ADGRE3: variants seen among roughly 807,000 people sequenced by gnomAD.
ADGRE3 encodes the protein adhesion G protein-coupled receptor E3, also known as EGF-like module receptor 3.
ADGRE3 carries 88 observed loss-of-function variants against 80.1 expected under a neutral mutation model. The observed-to-expected ratio is 1.10, with a 90% CI of 0.93 to 1.31. The LOEUF is 1.31. ADGRE3 is among the 40% of genes most tolerant of loss of function. The probability of loss-of-function intolerance (pLI) is 0.00; values close to 1 mark genes in which losing one functional copy is unlikely to be tolerated. For synonymous variants in ADGRE3, 281 were observed against 294.8 expected, an observed-to-expected ratio of 0.95 and a Z score of 0.48; for missense variants, 715 against 776.5, an observed-to-expected ratio of 0.92 and a Z score of 0.94.
intron 11 of ADGRE3, among the ~76,000 whole-genome samples, chr19:14,633,934 A>G (rs1204954528): frequency 1.3e-5 from 2 of 151,420 alleles, no homozygotes; most frequent in African/African-American, 4.8e-5. Context: ...GCACCACCAC[A>G]CCCGGCTAAT....
the ADGRE3 span, among the ~76,000 whole-genome samples, chr19:14,607,542 T>C: frequency 6.9e-6 from 1 of 145,104 alleles, no homozygotes; most frequent in Non-Finnish European, 1.5e-5. Context: ...CTTGTTTTAT[T>C]TTATTTTATT....
At chr19:14,607,243 C>T in the ADGRE3 span, 89 of 301,240 alleles carry the variant, frequency 3.0e-4, 2 homozygotes, top group African/African-American at 1.7e-3. Context: ...CTTGCTCTGT[C>T]GCCCAGGCTG....
At chr19:14,613,024 T>C in the ADGRE3 span, among the ~76,000 whole-genome samples, 2 of 150,714 alleles carry the variant, frequency 1.3e-5, no homozygotes, top group Non-Finnish European at 3.0e-5. Flanking sequence ...TTTCCAGGTT[T>C]AACTGGTTCT....
chr19:14,604,463 C>T, the ADGRE3 span, among the ~76,000 whole-genome samples: 1 of 152,022 alleles, frequency 6.6e-6, no homozygotes, highest in South Asian at 2.1e-4. Context: ...ATTTCAATCA[C>T]CTTAAGAATG....
rs892808730 is a variant in ADGRE3 at position 14,635,469 on chromosome 19, TG to T, written c.1485-2168del. ...TTGTTGCCCAGGCTGGAGAGTGCAATGGCGTGATCTCAGCTCACTGCAACCT... is the reference window on the plus strand; with the variant it reads ...TTGTTGCCCAGGCTGGAGAGTGCAATGCGTGATCTCAGCTCACTGCAACCT... On this transcript the variant is annotated intron_variant, in intron 11 of 15. Coordinates refer to ENST00000253673, the MANE Select transcript of ADGRE3 (RefSeq NM_032571.5). Among the ~76,000 whole-genome samples, 5 of 150,066 alleles carry T rather than the reference TG, an allele frequency of 3.3e-5. No homozygotes were observed. In the Admixed American group the frequency reaches 3.4e-4, roughly 10 times the overall value.
chr19:14,658,374 C>T (rs893725967), intron 5 of ADGRE3, 139 bp downstream of exon 5: 1 of 343,114 alleles, frequency 2.9e-6, no homozygotes, highest in Non-Finnish European at 5.2e-6. Context: ...TATTCTTTGT[C>T]CTAAATAATA....
chr19:14,617,358 C>CTTTCTTTCTTTCTT (rs1348270798), downstream of ADGRE3, among the ~76,000 whole-genome samples: 5 of 80,002 alleles, frequency 6.2e-5, no homozygotes, highest in Admixed American at 2.0e-4. Flanking sequence ...TTCTTTCTTT[C>CTTTCTTTCTTTCTT]TTTCTTTCTT....
chr19:14,625,301 G>A (rs540845135), intron 15 of ADGRE3, among the ~76,000 whole-genome samples, 191 bp downstream of exon 15: 21 of 152,202 alleles, frequency 1.4e-4, no homozygotes, highest in Non-Finnish European at 2.6e-4. Flanking sequence ...TAATACCTAG[G>A]TAATGGGTTG....
At chr19:14,658,294 A>G (rs1971832365) in intron 5 of ADGRE3, among the ~76,000 whole-genome samples, 1 of 150,494 alleles carries the variant, frequency 6.6e-6, no homozygotes, top group African/African-American at 2.4e-5. Context: ...TATATAATAT[A>G]TGAATATGTA....
chr19:14,649,250 C>G (rs1971511918), intron 7 of ADGRE3, among the ~76,000 whole-genome samples: 1 of 148,390 alleles, frequency 6.7e-6, no homozygotes, highest in Admixed American at 6.7e-5. Flanking sequence ...CTCTTTCCAT[C>G]TTTCTCTCCC....
chr19:14,664,118 A>G (rs1474180322), intron 2 of ADGRE3, among the ~76,000 whole-genome samples: 2 of 152,034 alleles, frequency 1.3e-5, no homozygotes, highest in Non-Finnish European at 2.9e-5. Context: ...GGATTTTCAC[A>G]TGGTGAAACC....
intron 14 of ADGRE3, chr19:14,628,930 C>CTT (rs768289556): frequency 4.6e-5 from 7 of 153,358 alleles, no homozygotes; most frequent in Non-Finnish European, 1.0e-4. Context: ...TTCTTTTTCT[C>CTT]TTTTTTTTTT....
chr19:14,664,512 C>T (rs1025583370), intron 2 of ADGRE3, among the ~76,000 whole-genome samples: 1 of 151,972 alleles, frequency 6.6e-6, no homozygotes, highest in Admixed American at 6.6e-5. Flanking sequence ...TGGAGAGCAG[C>T]CTGGGTAACA....
chr19:14,618,229 C>CT (rs1170717647), downstream of ADGRE3, among the ~76,000 whole-genome samples: 1 of 151,892 alleles, frequency 6.6e-6, no homozygotes, highest in Non-Finnish European at 1.5e-5. Context: ...CCTCATATAA[C>CT]TTTTTTTTCT....
the ADGRE3 span, among the ~76,000 whole-genome samples, chr19:14,601,195 G>A: frequency 1.3e-5 from 2 of 152,040 alleles, no homozygotes; most frequent in African/African-American, 2.4e-5. Flanking sequence ...GAGCCACCAC[G>A]CTGGGCTAGG....
chr19:14,663,876 T>C (rs1972021900), intron 2 of ADGRE3, among the ~76,000 whole-genome samples: 1 of 152,082 alleles, frequency 6.6e-6, no homozygotes, highest in Non-Finnish European at 1.5e-5. Context: ...GGTATACACG[T>C]GCCACGTTGG....
rs751484384 is a variant in ADGRE3, at chr19:14,668,699, T to C, written c.76+103A>G. ...CACAGGAGCAAGCCTTCCCAAATAT[T>C]GCTCTCAGAACAGGCACTTTTCTCC... On this transcript the variant is annotated intron_variant, in intron 2 of 15. Transcript: ENST00000253673. 5 of 819,676 alleles carry C rather than the reference T, an allele frequency of 6.1e-6. No homozygotes were observed. The South Asian group carries it at 7.8e-5, about 13-fold the overall frequency. The allele number at this position is 819,676 out of a possible 1,614,324, so 50.8% of individuals were successfully genotyped here.
the ADGRE3 span, chr19:14,606,966 C>A: frequency 8.3e-7 from 1 of 1,203,512 alleles, no homozygotes; most frequent in South Asian, 2.9e-5. Context: ...AGAGGAATGG[C>A]TGGCTGAATG....
the ADGRE3 span, among the ~76,000 whole-genome samples, chr19:14,609,183 C>T: frequency 2.3e-4 from 35 of 152,282 alleles, no homozygotes; most frequent in Admixed American, 1.3e-3. Flanking sequence ...ACCTAAGACA[C>T]TACCCAACTC....
Sources: allele counts gnomAD v4.1 joint callset (sites outside exome capture counted in the v4.1 genomes callset), GRCh38; gene constraint gnomAD v4.1.1; transcripts MANE v1.5; gene names NCBI Gene and HGNC (gene_info 2026-07-23, HGNC 2026-07-21).